SLC35A3: variants seen among roughly 807,000 people sequenced by gnomAD.
SLC35A3 encodes the protein solute carrier family 35 member A3, also known as UDP-N-acetylglucosamine transporter.
In SLC35A3, 26 loss-of-function variants were observed where a neutral mutation model predicts 39.0. The ratio of observed to expected loss-of-function variants is 0.67; its 90% CI spans 0.49 to 0.92. The LOEUF (loss-of-function observed/expected upper bound fraction) is 0.92. Ranked by LOEUF, SLC35A3 falls within the 40% of genes least tolerant of loss-of-function variation. SLC35A3 has a pLI of 0.00. For missense variants in SLC35A3, 299 were observed against 371.6 expected (o/e 0.80, Z 1.61); for synonymous variants, 135 against 133.1 (o/e 1.01, Z -0.10).
chr1:99,999,440 T>G (rs756495601), intron 3 of SLC35A3, 25 bp downstream of exon 3: 2 of 1,541,544 alleles, frequency 1.3e-6, no homozygotes, highest in Admixed American at 2.2e-5. Context: ...TTTCTTTCTT[T>G]TTTAAAAAAA....
chr1:100,005,535 TC>T (rs1659162596), intron 3 of SLC35A3, among the ~76,000 whole-genome samples: 1 of 152,174 alleles, frequency 6.6e-6, no homozygotes, highest in South Asian at 2.1e-4. Context: ...GCTTTTTCAT[TC>T]TTTTTTCTCT....
chr1:100,019,247 A>G (rs753011740), intron 7 of SLC35A3, among the ~76,000 whole-genome samples: 7 of 152,156 alleles, frequency 4.6e-5, no homozygotes, highest in Non-Finnish European at 5.9e-5. Flanking sequence ...TGAACAAGCA[A>G]ACCATCAGAG....
At chr1:100,014,549 T>C (rs1024831400) in intron 5 of SLC35A3, among the ~76,000 whole-genome samples, 1 of 152,190 alleles carries the variant, frequency 6.6e-6, no homozygotes, top group Non-Finnish European at 1.5e-5. Flanking sequence ...GGAAAAATAT[T>C]GTACCCCCTG....
At chr1:99,986,814 C>T (rs1403837858) in intron 1 of SLC35A3, among the ~76,000 whole-genome samples, 1 of 152,148 alleles carries the variant, frequency 6.6e-6, no homozygotes, top group Non-Finnish European at 1.5e-5. Flanking sequence ...TCTCTCACTC[C>T]TGGAGTCAAG....
intron 5 of SLC35A3, among the ~76,000 whole-genome samples, chr1:100,013,768 C>T (rs905995670): frequency 2.0e-5 from 3 of 151,722 alleles, no homozygotes; most frequent in Non-Finnish European, 2.9e-5. Flanking sequence ...TAATTATATG[C>T]CAGCATTAAT....
At position 100,026,973 on chromosome 1, in the gene SLC35A3, A is replaced by C. The variant is rs969188877; in HGVS notation, c.*4497A>C. 2 of 388,228 alleles carry C rather than the reference A, an allele frequency of 5.2e-6. No homozygotes were observed. The highest frequency in any genetic ancestry group is 4.5e-6 in the Non-Finnish European group (1 of 220,348). The allele number at this position is 388,228 out of a possible 1,614,324, so 24.0% of individuals were successfully genotyped here. Reference sequence around the variant, plus strand: ...ATAGATTATTTTCATAAAGAACTCTATACAAATCTTTTTCTATATTTCCTT... The same window carrying C: ...ATAGATTATTTTCATAAAGAACTCTCTACAAATCTTTTTCTATATTTCCTT... On this transcript the variant is annotated 3_prime_UTR_variant, in exon 8 of 8. Transcript: ENST00000533028.
chr1:100,011,367 GC>G lies in SLC35A3; in HGVS notation c.471del (p.Ser158GlnfsTer17). ...ATTTTATTTTTCTTCTTATTTAGTG[GC>G]CCTCAGATTCTCAGCTTGATTCTAA... Reference protein sequence around the residue: ...LMTGVAFVQWPSDSQLDSKEL... With the variant: ...LMTGVAFVQWXSDSQLDSKEL... On this transcript the variant is annotated frameshift_variant, in exon 5 of 8. Coordinates refer to ENST00000533028, the MANE Select transcript of SLC35A3 (RefSeq NM_012243.3). LOFTEE classifies it high-confidence loss of function. 6.8e-7 allele frequency: 1 copy of G among 1,466,688 alleles called. No homozygotes were observed. The highest frequency in any genetic ancestry group is 1.4e-5 in the South Asian group (1 of 69,668). 90.9% of individuals were successfully genotyped at this position (1,466,688 alleles called of 1,614,324 possible).
At chr1:99,983,249 T>C (rs928663482) in intron 1 of SLC35A3, among the ~76,000 whole-genome samples, 1 of 151,784 alleles carries the variant, frequency 6.6e-6, no homozygotes, top group African/African-American at 2.4e-5. Context: ...GCTACAAAAA[T>C]ACGGTTGGGG....
intron 1 of SLC35A3, among the ~76,000 whole-genome samples, chr1:99,986,875 A>G (rs570912007): frequency 1.3e-5 from 2 of 152,344 alleles, no homozygotes; most frequent in African/African-American, 4.8e-5. Context: ...AGCCTGAGCC[A>G]CCACGCCTGG....
rs538608898 is a variant in SLC35A3 at position 100,022,571 on chromosome 1, T to C, written c.*95T>C. 191 of 615,624 alleles carry C rather than the reference T, an allele frequency of 3.1e-4. 4 individuals carry two copies. In the South Asian group the frequency reaches 3.2e-3, roughly 10 times the overall value. The allele number at this position is 615,624 out of a possible 1,614,324, so 38.1% of individuals were successfully genotyped here. ...GACTTCTACAGAGTCTGAGAAGATA[T>C]CATCATGCTGAATCTGATCATACTG... is the stretch of plus-strand genomic sequence containing the variant. On this transcript the variant is annotated 3_prime_UTR_variant, in exon 8 of 8. Transcript: ENST00000533028.
intron 3 of SLC35A3, among the ~76,000 whole-genome samples, chr1:100,003,948 T>G (rs916390244): frequency 1.3e-5 from 2 of 152,218 alleles, no homozygotes; most frequent in East Asian, 3.8e-4. Context: ...CTGCTCGTTT[T>G]TGGTTTCTGT....
At chr1:100,012,260 G>A (rs1056121577) in intron 5 of SLC35A3, among the ~76,000 whole-genome samples, 2 of 151,978 alleles carry the variant, frequency 1.3e-5, no homozygotes, top group South Asian at 4.1e-4. Context: ...CATATAGTGA[G>A]CCCTAAAAAT....
chr1:100,008,840 TTA>T (rs1659423909), intron 4 of SLC35A3: 1 of 152,214 alleles, frequency 6.6e-6, no homozygotes, highest in Non-Finnish European at 1.5e-5. Flanking sequence ...AAATGCTCAT[TTA>T]TATGTCTGTT....
rs896133882 is a variant in SLC35A3, at chr1:100,035,048, A to C, written c.*12572A>C. ...CTGAGATATCAGTCTCTTAGCGCAA[A>C]GTTTGTGAATACGGTCATCCCTCCA... On this transcript the variant is annotated 3_prime_UTR_variant, in exon 8 of 8. Coordinates refer to ENST00000533028, the MANE Select transcript of SLC35A3 (RefSeq NM_012243.3). 1 of 152,118 alleles carries C rather than the reference A, an allele frequency of 6.6e-6. No individual in the cohort carries two copies. The highest frequency in any genetic ancestry group is 2.4e-5 in the African/African-American group (1 of 41,420). The allele number at this position is 152,118 out of a possible 1,614,324, so 9.4% of individuals were successfully genotyped here. A position where few individuals can be genotyped will look rare whatever the true frequency, so the allele number is the denominator to read the frequency against.
At chr1:99,983,779 C>T (rs1041605597) in intron 1 of SLC35A3, among the ~76,000 whole-genome samples, 1 of 151,828 alleles carries the variant, frequency 6.6e-6, no homozygotes, top group African/African-American at 2.4e-5. Flanking sequence ...GCGCCCACCA[C>T]GCCTGGCTAA....
At chr1:100,007,342 G>A in intron 4 of SLC35A3, 186 bp downstream of exon 4, 1 of 471,486 alleles carries the variant, frequency 2.1e-6, no homozygotes, top group South Asian at 3.2e-5. Context: ...TAATACAGAG[G>A]AATTAATCAA....
chr1:100,005,599 T>G (rs542419416), intron 3 of SLC35A3, among the ~76,000 whole-genome samples: 2 of 152,338 alleles, frequency 1.3e-5, no homozygotes, highest in South Asian at 2.1e-4. Context: ...GTTCAGAAAT[T>G]CTTTATTCTG....
intron 1 of SLC35A3, among the ~76,000 whole-genome samples, chr1:99,977,632 A>G (rs1657197898): frequency 6.6e-6 from 1 of 152,138 alleles, no homozygotes; most frequent in Non-Finnish European, 1.5e-5. Flanking sequence ...TCCTGGGCTC[A>G]AGCAATCCTC....
intron 1 of SLC35A3, among the ~76,000 whole-genome samples, chr1:99,979,429 TC>T (rs1174990865): frequency 1.3e-4 from 19 of 146,986 alleles, no homozygotes; most frequent in African/African-American, 4.4e-4. Flanking sequence ...TCCTTTTCTT[TC>T]TTTTTTTTTT....
Sources: allele counts gnomAD v4.1 joint callset (sites outside exome capture counted in the v4.1 genomes callset), GRCh38; gene constraint gnomAD v4.1.1; transcripts MANE v1.5; gene names NCBI Gene and HGNC (gene_info 2026-07-23, HGNC 2026-07-21).